TMEM182: variants seen among roughly 807,000 people sequenced by gnomAD.
The protein encoded by TMEM182 is transmembrane protein 182.
A neutral mutation model predicts 26.8 loss-of-function variants in TMEM182; 20 were observed. The observed-to-expected ratio is 0.75, with a 90% CI of 0.53 to 1.09. TMEM182 has a LOEUF of 1.09. Ranked by LOEUF, TMEM182 falls within the 50% of genes least tolerant of loss-of-function variation. The pLI is 0.00. For synonymous variants in TMEM182, 109 were observed against 102.2 expected (o/e 1.07, Z -0.40); for missense variants, 277 against 275.5 (o/e 1.01, Z -0.04).
At chr2:102,843,499 T>C (rs900226300) in exon 4 of TMEM182, 3 of 152,206 alleles carry the variant, frequency 2.0e-5, no homozygotes, top group African/African-American at 7.2e-5. Flanking sequence ...ATCAATGACA[T>C]CTCACTCCTT....
intron 3 of TMEM182, among the ~76,000 whole-genome samples, chr2:102,839,762 G>T (rs1287826914): frequency 2.0e-5 from 3 of 152,106 alleles, no homozygotes; most frequent in Non-Finnish European, 4.4e-5. Flanking sequence ...ATACGTGTTT[G>T]TTATCCACCT....
chr2:102,819,892 A>G (rs1682876283), downstream of TMEM182, among the ~76,000 whole-genome samples: 1 of 152,144 alleles, frequency 6.6e-6, no homozygotes, highest in South Asian at 2.1e-4. Context: ...TTGGATCCAG[A>G]GCATATGTGG....
chr2:102,801,343 A>T (rs1682123161), intron 4 of TMEM182, among the ~76,000 whole-genome samples: 1 of 152,158 alleles, frequency 6.6e-6, no homozygotes, highest in Admixed American at 6.5e-5. Context: ...TGGGCCCAGA[A>T]CAAAGACAGC....
chr2:102,746,454 A>G (rs752956596), intron 1 of TMEM182, among the ~76,000 whole-genome samples: 2 of 152,142 alleles, frequency 1.3e-5, no homozygotes, highest in Admixed American at 6.5e-5. Context: ...CAGTTTATCT[A>G]TATTTTGTTA....
chr2:102,824,701 ATTT>A, intron 3 of TMEM182, among the ~76,000 whole-genome samples: 1 of 152,196 alleles, frequency 6.6e-6, no homozygotes, highest in East Asian at 1.9e-4. Flanking sequence ...GGTGGTGTGC[ATTT>A]GTAGTCCAGC....
At chr2:102,763,607 G>GAT (rs1383382250) in intron 2 of TMEM182, among the ~76,000 whole-genome samples, 1 of 152,184 alleles carries the variant, frequency 6.6e-6, no homozygotes, top group East Asian at 1.9e-4. Context: ...GCAAGTACCT[G>GAT]ATAGACTATC....
chr2:102,743,544 C>T (rs983502974), intron 1 of TMEM182, among the ~76,000 whole-genome samples: 2 of 151,854 alleles, frequency 1.3e-5, no homozygotes, highest in Non-Finnish European at 2.9e-5. Context: ...TGGATAAGAG[C>T]GGAAGATTAA....
chr2:102,838,660 G>A (rs1400846338), intron 3 of TMEM182, among the ~76,000 whole-genome samples: 1 of 152,162 alleles, frequency 6.6e-6, no homozygotes, highest in African/African-American at 2.4e-5. Flanking sequence ...ATGTTGAAGT[G>A]GACAACAGGG....
At chr2:102,839,617 A>G (rs908843280) in intron 3 of TMEM182, among the ~76,000 whole-genome samples, 9 of 152,116 alleles carry the variant, frequency 5.9e-5, no homozygotes, top group African/African-American at 2.2e-4. Context: ...GGAGCATAAA[A>G]ACAAGAGTGT....
At chr2:102,839,072 T>C (rs1033291865) in intron 3 of TMEM182, among the ~76,000 whole-genome samples, 3 of 152,178 alleles carry the variant, frequency 2.0e-5, no homozygotes, top group Admixed American at 6.5e-5. Flanking sequence ...AGGTTCTCAA[T>C]TGATTTTTAT....
At chr2:102,770,941 A>G (rs1344856744) in intron 3 of TMEM182, among the ~76,000 whole-genome samples, 1 of 152,208 alleles carries the variant, frequency 6.6e-6, no homozygotes, top group African/African-American at 2.4e-5. Flanking sequence ...AAATTCTTAA[A>G]TAATTTAGGA....
chr2:102,824,373 C>T (rs1682990168), intron 3 of TMEM182, among the ~76,000 whole-genome samples: 1 of 152,096 alleles, frequency 6.6e-6, no homozygotes, highest in Admixed American at 6.5e-5. Context: ...AATCATAATC[C>T]CCAGTGTTGG....
intron 4 of TMEM182, among the ~76,000 whole-genome samples, chr2:102,802,601 C>T (rs12466902): frequency 1.4e-4 from 22 of 152,248 alleles, no homozygotes; most frequent in South Asian, 4.1e-4. Flanking sequence ...CCTCCTGCCC[C>T]GTGGCATTGG....
At chr2:102,749,698 TA>T (rs1340143986) in intron 1 of TMEM182, among the ~76,000 whole-genome samples, 1 of 152,184 alleles carries the variant, frequency 6.6e-6, no homozygotes. Flanking sequence ...ATTTATAATA[TA>T]TATACCTGTA....
chr2:102,800,797 TTGTGTG>T (rs71378190), intron 4 of TMEM182, among the ~76,000 whole-genome samples: 18,621 of 137,754 alleles, frequency 0.14, 1,369 homozygotes, highest in East Asian at 0.21. Flanking sequence ...TTTGGACAGT[TTGTGTG>T]TGTGTGTGTG....
At chr2:102,824,586 A>C (rs1682994985) in intron 3 of TMEM182, among the ~76,000 whole-genome samples, 1 of 152,084 alleles carries the variant, frequency 6.6e-6, no homozygotes, top group Admixed American at 6.5e-5. Context: ...GCACTTTGGG[A>C]GGCCGAGGTG....
At position 102,774,152 on chromosome 2, in the gene TMEM182, C is replaced by A. The variant is rs536553915; in HGVS notation, c.331+9725C>A. ...TAATCCACACTGAATTATTTTAAAG[C>A]AAATTCCAAACATCATATACTTTCT... On this transcript the variant is annotated intron_variant, in intron 3 of 4. Transcript: ENST00000412401. Among the ~76,000 whole-genome samples, 3 of 151,688 alleles carry A rather than the reference C, an allele frequency of 2.0e-5. No homozygotes were observed. In the South Asian group the frequency reaches 6.2e-4, roughly 32 times the overall value.
chr2:102,842,567 T>C (rs974742034), intron 3 of TMEM182, among the ~76,000 whole-genome samples: 3 of 152,132 alleles, frequency 2.0e-5, no homozygotes. Flanking sequence ...GGCACTACCA[T>C]ACACTTGAAT....
chr2:102,775,123 T>C (rs1391147204), intron 3 of TMEM182: 2 of 152,240 alleles, frequency 1.3e-5, no homozygotes, highest in Non-Finnish European at 2.9e-5. Context: ...TCCTTCTGTT[T>C]ATTTAGGTCT....
Sources: allele counts gnomAD v4.1 joint callset (sites outside exome capture counted in the v4.1 genomes callset), GRCh38; gene constraint gnomAD v4.1.1; transcripts MANE v1.5; gene names NCBI Gene and HGNC (gene_info 2026-07-23, HGNC 2026-07-21).